The following DAB1 variants were observed in gnomAD, a reference collection of about 807,000 sequenced individuals.
The protein encoded by DAB1 is DAB adaptor protein 1.
In DAB1, 15 loss-of-function variants were observed where a neutral mutation model predicts 64.6. The ratio of observed to expected loss-of-function variants is 0.23; its 90% CI spans 0.16 to 0.36. DAB1 has a LOEUF of 0.36. Ranked by LOEUF, DAB1 falls within the 10% of genes least tolerant of loss-of-function variation. The probability of loss-of-function intolerance (pLI) is 1.00; values close to 1 mark genes in which losing one functional copy is unlikely to be tolerated. For missense variants in DAB1, 596 were observed against 706.7 expected, an observed-to-expected ratio of 0.84 and a Z score of 1.78; for synonymous variants, 235 against 251.9, an observed-to-expected ratio of 0.93 and a Z score of 0.64.
At chr1:58,148,740 C>A (rs1278880119) in intron 5 of DAB1, among the ~76,000 whole-genome samples, 2 of 151,484 alleles carry the variant, frequency 1.3e-5, no homozygotes, top group Non-Finnish European at 1.5e-5. Context: ...TCTCTCGAGA[C>A]TTTTTCACTA....
intron 1 of DAB1, among the ~76,000 whole-genome samples, chr1:57,394,303 C>G (rs3850551): frequency 2.6e-5 from 4 of 152,180 alleles, no homozygotes; most frequent in Non-Finnish European, 4.4e-5. Context: ...CAGAGAGCTT[C>G]GAAAACCACT....
intron 2 of DAB1, among the ~76,000 whole-genome samples, chr1:58,519,868 G>T (rs1646234145): frequency 6.6e-6 from 1 of 152,134 alleles, no homozygotes; most frequent in Non-Finnish European, 1.5e-5. Context: ...GGAATGAAAA[G>T]ACAAAGTAAC....
chr1:57,645,236 T>G (rs531151501), intron 7 of DAB1, among the ~76,000 whole-genome samples: 1 of 152,198 alleles, frequency 6.6e-6, no homozygotes, highest in Non-Finnish European at 1.5e-5. Flanking sequence ...CTAGTCACGT[T>G]GGTATATTAC....
intron 2 of DAB1, among the ~76,000 whole-genome samples, chr1:57,225,502 C>T (rs1262216235): frequency 6.6e-6 from 1 of 152,162 alleles, no homozygotes; most frequent in East Asian, 1.9e-4. Context: ...ACACAGCATA[C>T]ATCACAACCA....
intron 5 of DAB1, among the ~76,000 whole-genome samples, chr1:58,081,696 G>C (rs1478026053): frequency 6.6e-6 from 1 of 152,206 alleles, no homozygotes; most frequent in Non-Finnish European, 1.5e-5. Context: ...GCCCACCTGG[G>C]CTACTTCAAA....
chr1:58,028,986 C>G (rs529548763), intron 5 of DAB1, among the ~76,000 whole-genome samples: 1 of 152,254 alleles, frequency 6.6e-6, no homozygotes, highest in Non-Finnish European at 1.5e-5. Context: ...GGCTACCTCA[C>G]AGAAAGATGG....
chr1:58,361,029 T>C (rs933872784), intron 3 of DAB1, among the ~76,000 whole-genome samples: 1 of 152,228 alleles, frequency 6.6e-6, no homozygotes, highest in Non-Finnish European at 1.5e-5. Context: ...GCTTTAGATA[T>C]AAAAGATGAT....
At chr1:57,564,595 G>A (rs954695396) in intron 7 of DAB1, among the ~76,000 whole-genome samples, 2 of 152,172 alleles carry the variant, frequency 1.3e-5, no homozygotes, top group African/African-American at 2.4e-5. Flanking sequence ...TAAATGACCT[G>A]ACGGAGCTGA....
intron 2 of DAB1, among the ~76,000 whole-genome samples, chr1:57,270,732 G>A (rs1052812280): frequency 1.3e-5 from 2 of 152,206 alleles, no homozygotes; most frequent in Non-Finnish European, 2.9e-5. Flanking sequence ...TCCTCATAGA[G>A]TGGACACTTT....
intron 5 of DAB1, among the ~76,000 whole-genome samples, chr1:58,000,508 A>G (rs973537966): frequency 1.9e-5 from 2 of 102,612 alleles, no homozygotes; most frequent in Non-Finnish European, 3.8e-5. Flanking sequence ...TGCCTGCTCT[A>G]TCTCCCACTT....
rs557461084 is a variant in DAB1, at chr1:57,406,775, C to T, written c.-137+17155G>A. Reference sequence around the variant, plus strand: ...CCAACAGGATAGAAAGGATCCGAATCCTGTGGGCTGTGATTTTTCTGTATT... The same window carrying T: ...CCAACAGGATAGAAAGGATCCGAATTCTGTGGGCTGTGATTTTTCTGTATT... On this transcript the variant is annotated intron_variant, in intron 1 of 14. Coordinates refer to ENST00000371236, the MANE Select transcript of DAB1 (RefSeq NM_001365792.1). Among the ~76,000 whole-genome samples the T allele has an allele frequency of 2.0e-5, 3 of 152,298 alleles. No individual in the cohort carries two copies. The South Asian group carries it at 6.2e-4, about 32-fold the overall frequency.
chr1:57,651,156 C>CA (rs539158981), intron 6 of DAB1, among the ~76,000 whole-genome samples: 3,533 of 138,446 alleles, frequency 0.026, 125 homozygotes, highest in African/African-American at 0.083. Context: ...GTCAGTAAAA[C>CA]AAAAAAAAAA....
chr1:57,270,599 C>T (rs570711103), intron 2 of DAB1, among the ~76,000 whole-genome samples: 13 of 152,340 alleles, frequency 8.5e-5, no homozygotes, highest in East Asian at 3.9e-4. Flanking sequence ...CTCTTTCCTG[C>T]TAAAGCTCTT....
chr1:57,444,187 A>T (rs1686053981), intron 7 of DAB1, among the ~76,000 whole-genome samples: 1 of 151,344 alleles, frequency 6.6e-6, no homozygotes, highest in Admixed American at 6.6e-5. Flanking sequence ...ACTCTTATAA[A>T]CTCTTGATGT....
intron 4 of DAB1, among the ~76,000 whole-genome samples, chr1:58,188,974 T>G (rs1323604460): frequency 1.3e-5 from 2 of 152,184 alleles, no homozygotes; most frequent in East Asian, 3.9e-4. Flanking sequence ...TAATTAGCCT[T>G]ATAATTAGAA....
chr1:57,130,399 C>T lies in DAB1; in HGVS notation c.306+6144G>A, dbSNP rs1349343368. On this transcript the variant is annotated intron_variant, in intron 4 of 14. Transcript: ENST00000371236. ...TAAACTACCTTATGACCCAGAAATC[C>T]CACTACTGCGTACATATCCAAAGAA... Among the ~76,000 whole-genome samples the T allele has an allele frequency of 6.6e-5, 10 of 151,970 alleles. No homozygotes were observed. In the East Asian group the frequency reaches 1.9e-3, roughly 29 times the overall value.
chr1:58,501,306 C>T (rs1645903274), intron 3 of DAB1, among the ~76,000 whole-genome samples: 1 of 152,088 alleles, frequency 6.6e-6, no homozygotes, highest in Admixed American at 6.6e-5. Context: ...GAAAGGAACT[C>T]ATCTATTTTC....
At chr1:57,735,754 C>G (rs576051569) in intron 6 of DAB1, among the ~76,000 whole-genome samples, 38 of 151,606 alleles carry the variant, frequency 2.5e-4, no homozygotes, top group South Asian at 1.5e-3. Flanking sequence ...CTTCTAGATT[C>G]ATTTTTTGGC....
At chr1:57,857,676 C>T (rs920887258) in intron 1 of DAB1, among the ~76,000 whole-genome samples, 3 of 152,002 alleles carry the variant, frequency 2.0e-5, no homozygotes, top group African/African-American at 7.2e-5. Context: ...CAGGAGTTAT[C>T]CATTCAACCA....
Sources: gnomAD v4.1 joint callset for allele counts (sites outside exome capture counted in the v4.1 genomes callset) on GRCh38, gnomAD v4.1.1 for gene constraint, MANE v1.5 for transcripts, NCBI Gene and HGNC (gene_info 2026-07-23, HGNC 2026-07-21) for gene names.